The following COP1 variants were observed in gnomAD, a reference collection of about 807,000 sequenced individuals.
COP1 encodes the protein COP1 E3 ubiquitin ligase.
COP1 carries 24 observed loss-of-function variants against 101.3 expected under a neutral mutation model. The ratio of observed to expected loss-of-function variants is 0.24; its 90% CI spans 0.17 to 0.33. COP1 has a LOEUF of 0.33. COP1 is among the 10% of genes least tolerant of loss of function. The pLI is 1.00. For missense variants in COP1, 663 were observed against 906.2 expected (o/e 0.73, Z 3.45); for synonymous variants, 347 against 341.9 (o/e 1.01, Z -0.17).
intron 18 of COP1, among the ~76,000 whole-genome samples, chr1:175,961,448 A>C (rs1007237991): frequency 6.6e-6 from 1 of 152,154 alleles, no homozygotes; most frequent in African/African-American, 2.4e-5. Context: ...CATGCCAGAT[A>C]ATTGTGCTGG....
At chr1:176,012,292 C>T (rs1292432089) in intron 15 of COP1, among the ~76,000 whole-genome samples, 1 of 152,186 alleles carries the variant, frequency 6.6e-6, no homozygotes, top group African/African-American at 2.4e-5. Context: ...CACCACCATG[C>T]TCCACTAAGT....
At chr1:176,105,854 AT>A (rs1442827969) in intron 9 of COP1, among the ~76,000 whole-genome samples, 1 of 152,170 alleles carries the variant, frequency 6.6e-6, no homozygotes, top group Non-Finnish European at 1.5e-5. Context: ...CATAACCAAA[AT>A]GTATGCATCT....
At chr1:176,035,134 T>G (rs900022227) in intron 14 of COP1, among the ~76,000 whole-genome samples, 3 of 152,122 alleles carry the variant, frequency 2.0e-5, no homozygotes, top group Non-Finnish European at 4.4e-5. Flanking sequence ...AGATGTTGGA[T>G]CCCAAGACAT....
At chr1:176,061,555 G>A (rs1674843106) in intron 11 of COP1, among the ~76,000 whole-genome samples, 1 of 152,184 alleles carries the variant, frequency 6.6e-6, no homozygotes, top group East Asian at 1.9e-4. Context: ...GAACCCCGGA[G>A]GCAGAGGTTG....
At chr1:176,111,706 T>A (rs1685319956) in intron 9 of COP1, among the ~76,000 whole-genome samples, 1 of 152,226 alleles carries the variant, frequency 6.6e-6, no homozygotes. Context: ...AAAAACTGTC[T>A]ATTTTGTTCA....
At chr1:176,092,545 A>C (rs907394035) in intron 9 of COP1, among the ~76,000 whole-genome samples, 38 of 152,296 alleles carry the variant, frequency 2.5e-4, no homozygotes, top group African/African-American at 8.7e-4. Flanking sequence ...AAAATGGGGA[A>C]AGACTTGAAA....
Position 176,027,593 on chromosome 1 carries a change from G to C in COP1, c.1708C>G (p.His570Asp). 6.2e-7 allele frequency: 1 copy of C among 1,611,780 alleles called. No individual in the cohort carries two copies. The highest frequency in any genetic ancestry group is 8.5e-7 in the Non-Finnish European group (1 of 1,178,090). The change falls in exon 15 of 20, where the codon CAT (histidine) becomes GAT (aspartate). Residue 570 changes from histidine (H) to aspartate (D), a missense_variant. His to Asp is a moderately conservative substitution (Grantham distance 81, BLOSUM62 -1). Coordinates refer to ENST00000367669, the MANE Select transcript of COP1 (RefSeq NM_022457.7). ...TTACCTGCACAGCCGAAAGCCAAAT[G>C]GTATCTGGAAGAGGGGCTGAATTTA... Reference protein sequence around the residue: ...CVKFSPSSRYHLAFGCADHCV... With the variant: ...CVKFSPSSRYDLAFGCADHCV...
chr1:176,204,161 T>C (rs1323646606), intron 1 of COP1, among the ~76,000 whole-genome samples: 2 of 152,180 alleles, frequency 1.3e-5, no homozygotes, highest in African/African-American at 2.4e-5. Context: ...AAATCTGAGT[T>C]CTCATTTTGT....
At chr1:176,034,158 A>C (rs1438497935) in intron 14 of COP1, among the ~76,000 whole-genome samples, 1 of 152,178 alleles carries the variant, frequency 6.6e-6, no homozygotes, top group Non-Finnish European at 1.5e-5. Flanking sequence ...AGAATTCTAA[A>C]CTTAAATGAA....
chr1:176,102,107 G>C (rs183945678), intron 9 of COP1, among the ~76,000 whole-genome samples: 146 of 152,220 alleles, frequency 9.6e-4, no homozygotes, highest in Non-Finnish European at 1.3e-3. Context: ...TCTGCACACT[G>C]AGAGGATGGG....
chr1:175,994,197 G>C (rs1659476296), intron 15 of COP1, among the ~76,000 whole-genome samples: 5 of 152,174 alleles, frequency 3.3e-5, no homozygotes, highest in Admixed American at 6.5e-5. Flanking sequence ...CAAATGCTGA[G>C]AGAATCTGTC....
At chr1:176,107,899 G>A (rs1684589018) in intron 9 of COP1, among the ~76,000 whole-genome samples, 1 of 152,078 alleles carries the variant, frequency 6.6e-6, no homozygotes, top group African/African-American at 2.4e-5. Flanking sequence ...TTCAAACTGA[G>A]GGAAATCCTA....
chr1:176,031,774 CTAAG>C (rs1460867180), intron 14 of COP1, among the ~76,000 whole-genome samples: 6 of 152,100 alleles, frequency 3.9e-5, no homozygotes, highest in South Asian at 4.1e-4. Flanking sequence ...AAAGTGTCTT[CTAAG>C]TGTCACCTAA....
At chr1:176,138,765 C>T (rs1210966678) in intron 6 of COP1, among the ~76,000 whole-genome samples, 2 of 152,138 alleles carry the variant, frequency 1.3e-5, no homozygotes, top group Non-Finnish European at 2.9e-5. Flanking sequence ...TCCCTGTCCA[C>T]CCACTTGAGC....
intron 9 of COP1, among the ~76,000 whole-genome samples, chr1:176,114,637 G>T (rs1189884593): frequency 1.3e-5 from 2 of 151,882 alleles, no homozygotes; most frequent in African/African-American, 2.4e-5. Flanking sequence ...ACCCAGGCTG[G>T]AGTACACTGG....
At chr1:175,952,991 GT>G (rs749355550) in intron 18 of COP1, among the ~76,000 whole-genome samples, 19 of 152,254 alleles carry the variant, frequency 1.2e-4, no homozygotes, top group Non-Finnish European at 2.5e-4. Flanking sequence ...TTGATTTCTT[GT>G]TTTTAAGTTT....
chr1:175,985,617 C>A (rs1368722417), intron 18 of COP1, among the ~76,000 whole-genome samples: 2 of 152,212 alleles, frequency 1.3e-5, no homozygotes, highest in Admixed American at 6.5e-5. Flanking sequence ...ACCCACCCCA[C>A]CAGAACTGAC....
chr1:175,962,541 T>TG (rs1392719474), intron 18 of COP1, among the ~76,000 whole-genome samples: 1 of 152,200 alleles, frequency 6.6e-6, no homozygotes, highest in Non-Finnish European at 1.5e-5. Flanking sequence ...GCCTTTTCAT[T>TG]GGGGGTTTTC....
At chr1:176,085,445 G>C (rs1238390766) in intron 10 of COP1, among the ~76,000 whole-genome samples, 1 of 152,124 alleles carries the variant, frequency 6.6e-6, no homozygotes, top group Non-Finnish European at 1.5e-5. Context: ...ACAGAGGACA[G>C]TGCTTAGAAC....
Sources: gnomAD v4.1 joint callset for allele counts (sites outside exome capture counted in the v4.1 genomes callset) on GRCh38, gnomAD v4.1.1 for gene constraint, MANE v1.5 for transcripts, NCBI Gene and HGNC (gene_info 2026-07-23, HGNC 2026-07-21) for gene names.